Variants in ASRGL1 observed in about 807,000 individuals in gnomAD.
The protein encoded by ASRGL1 is isoaspartyl peptidase/L-asparaginase.
ASRGL1 carries 16 observed loss-of-function variants against 22.4 expected under a neutral mutation model. The ratio of observed to expected loss-of-function variants is 0.71; its 90% CI spans 0.48 to 1.08. ASRGL1 has a LOEUF of 1.08. Ranked by LOEUF, ASRGL1 falls within the 50% of genes least tolerant of loss-of-function variation. ASRGL1 has a pLI of 0.00. For synonymous variants in ASRGL1, 165 were observed against 159.3 expected, an observed-to-expected ratio of 1.04 and a Z score of -0.27; for missense variants, 412 against 410.1, an observed-to-expected ratio of 1.00 and a Z score of -0.04.
chr11:62,356,226 A>G, intron 2 of ASRGL1, 99 bp from the exon 3 acceptor site: 3 of 1,438,458 alleles, frequency 2.1e-6, no homozygotes, highest in South Asian at 2.5e-5. Context: ...CACCTCCCGG[A>G]TGGGGCGGCT....
At chr11:62,389,713 G>A (rs1348269279) in intron 5 of ASRGL1, 3 of 268,712 alleles carry the variant, frequency 1.1e-5, no homozygotes, top group South Asian at 4.1e-5. Context: ...TATAGATTGA[G>A]ATGTTGTTTA....
intron 4 of ASRGL1, among the ~76,000 whole-genome samples, chr11:62,375,460 ATATATATATATATATATATATT>A (rs1217758191): frequency 0.035 from 3,054 of 87,356 alleles, 179 homozygotes; most frequent in Non-Finnish European, 0.047. Flanking sequence ...ATATATATAT[ATATATATATATATATATATATT>A]TCTTGGAGTA....
intron 4 of ASRGL1, among the ~76,000 whole-genome samples, chr11:62,370,271 A>G (rs905591531): frequency 8.5e-5 from 13 of 152,190 alleles, no homozygotes; most frequent in African/African-American, 3.1e-4. Context: ...ATGCAAGTAA[A>G]CAATCTGCAG....
chr11:62,392,242 C>A lies in ASRGL1; in HGVS notation c.885C>A (p.Phe295Leu). 6.2e-7 allele frequency: 1 copy of A among 1,614,112 alleles called. No individual in the cohort carries two copies. Among genetic ancestry groups the A allele is most frequent in the Non-Finnish European group, 8.5e-7 (1 of 1,180,040 alleles). ...CCGCCAAGGACGGCAAGCTGCACTT[C>A]GGAATTGATCCTGACGATACTACTA... ...WAAAKDGKLH[F>L]GIDPDDTTIT... Residue 295 changes from phenylalanine to leucine, a missense_variant, in exon 7 of 7, where the codon TTC (phenylalanine) becomes TTA (leucine). Coordinates refer to ENST00000415229, the MANE Select transcript of ASRGL1 (RefSeq NM_001083926.2).
chr11:62,357,057 CT>C lies in ASRGL1; in HGVS notation c.405del (p.Gly136GlufsTer5). On this transcript the variant is annotated frameshift_variant, in exon 4 of 7. Coordinates refer to ENST00000415229, the MANE Select transcript of ASRGL1 (RefSeq NM_001083926.2). LOFTEE classifies it high-confidence loss of function. ...FAAAMGVPEI[P>X]GEKLVTERNK... ...GCAGCTATGGGGGTTCCAGAGATTC[CT>C]GGAGAAAAACTGGTGACAGAGAGAA... 1 of 1,614,026 alleles carries C rather than the reference CT, an allele frequency of 6.2e-7. No individual in the cohort carries two copies. Among genetic ancestry groups the C allele is most frequent in the Non-Finnish European group, 8.5e-7 (1 of 1,180,014 alleles).
At chr11:62,370,675 G>A (rs1448410976) in intron 4 of ASRGL1, among the ~76,000 whole-genome samples, 3 of 152,238 alleles carry the variant, frequency 2.0e-5, no homozygotes, top group South Asian at 2.1e-4. Context: ...AGTTTGTCCT[G>A]TGCAATTGTG....
At chr11:62,396,190 G>A (rs1052491256), downstream of ASRGL1, among the ~76,000 whole-genome samples, 23 of 152,058 alleles carry the variant, frequency 1.5e-4, no homozygotes, top group East Asian at 3.9e-4. Context: ...ATGGGGATGG[G>A]CAGAAGGACA....
chr11:62,397,520 C>T (rs1947445877), downstream of ASRGL1, among the ~76,000 whole-genome samples: 1 of 151,802 alleles, frequency 6.6e-6, no homozygotes, highest in Non-Finnish European at 1.5e-5. Flanking sequence ...CAAAATTAGC[C>T]GGGCATGGTG....
At chr11:62,353,132 T>C (rs1946205092) in intron 2 of ASRGL1, among the ~76,000 whole-genome samples, 1 of 152,152 alleles carries the variant, frequency 6.6e-6, no homozygotes. Context: ...CCAGGCCCTG[T>C]TCTGTTGTTC....
chr11:62,382,225 A>G (rs1947088122), intron 4 of ASRGL1: 1 of 151,982 alleles, frequency 6.6e-6, no homozygotes, highest in Admixed American at 6.6e-5. Flanking sequence ...TAGAGAAAAA[A>G]AAGTGGGCCC....
In ASRGL1 at chr11:62,337,928, G is replaced by A; in HGVS notation, c.-50G>A. On this transcript the variant is annotated 5_prime_UTR_variant, in exon 2 of 7. Transcript: ENST00000415229. ...CCTTGTACCCGCGCGGCTTCCTTGG[G>A]CTGGCTTTGGACGACGCTTTCGCCT... 6.5e-7 allele frequency: 1 copy of A among 1,548,232 alleles called. No individual in the cohort carries two copies. The highest frequency in any genetic ancestry group is 1.2e-5 in the South Asian group (1 of 83,546).
intron 4 of ASRGL1, among the ~76,000 whole-genome samples, chr11:62,358,195 C>A (rs1241743295): frequency 1.3e-5 from 2 of 151,956 alleles, no homozygotes; most frequent in African/African-American, 2.4e-5. Flanking sequence ...ACGGTGAAAC[C>A]CCGTCTCTAC....
At chr11:62,355,957 G>A (rs1313739473) in intron 2 of ASRGL1, among the ~76,000 whole-genome samples, 1 of 152,232 alleles carries the variant, frequency 6.6e-6, no homozygotes, top group Non-Finnish European at 1.5e-5. Context: ...CAGATCAACA[G>A]GATCCCAAGG....
chr11:62,389,518 T>C (rs944429099), intron 5 of ASRGL1: 2 of 491,732 alleles, frequency 4.1e-6, no homozygotes, highest in Admixed American at 2.7e-5. Context: ...ACAGGGATGC[T>C]AACGTTGCCC....
intron 4 of ASRGL1, among the ~76,000 whole-genome samples, chr11:62,383,588 G>A (rs1947126181): frequency 1.1e-5 from 1 of 91,902 alleles, no homozygotes; most frequent in African/African-American, 4.1e-5. Context: ...GGGCGACAGA[G>A]CGAGACTCCT....
At chr11:62,383,882 C>G (rs572754351) in intron 4 of ASRGL1, among the ~76,000 whole-genome samples, 1 of 147,472 alleles carries the variant, frequency 6.8e-6, no homozygotes, top group Non-Finnish European at 1.5e-5. Context: ...CCACTGCACT[C>G]CAGCCTGGGC....
intron 2 of ASRGL1, among the ~76,000 whole-genome samples, chr11:62,355,820 ACT>A (rs996535189): frequency 7.2e-5 from 11 of 151,752 alleles, no homozygotes; most frequent in African/African-American, 2.4e-4. Context: ...AGTGGTGATG[ACT>A]CTTAACGAGC....
downstream of ASRGL1, among the ~76,000 whole-genome samples, chr11:62,394,768 C>T (rs1034533947): frequency 1.3e-5 from 2 of 152,136 alleles, no homozygotes; most frequent in East Asian, 1.9e-4. Context: ...TGCTAGGGTA[C>T]GTATGGGGTC....
rs189226818 is a variant in ASRGL1 at position 62,379,623 on chromosome 11, G to T, written c.492-9510G>T. Among the ~76,000 whole-genome samples, 1,485 of 152,284 alleles carry T rather than the reference G, an allele frequency of 9.8e-3. 33 individuals are homozygous for T. Among genetic ancestry groups the T allele is most frequent in the African/African-American group, 0.031 (1,294 of 41,526 alleles). On this transcript the variant is annotated intron_variant, in intron 4 of 6. Transcript: ENST00000415229. ...TTAGTCCTACAGTCCCCTCAGGCAGGGGGCCATATACCCCTGTGGGAATTT... is the reference window on the plus strand; with the variant it reads ...TTAGTCCTACAGTCCCCTCAGGCAGTGGGCCATATACCCCTGTGGGAATTT...
Sources: allele counts gnomAD v4.1 joint callset (sites outside exome capture counted in the v4.1 genomes callset), GRCh38; gene constraint gnomAD v4.1.1; transcripts MANE v1.5; gene names NCBI Gene and HGNC (gene_info 2026-07-23, HGNC 2026-07-21).